Variants in PIK3C2G observed in about 807,000 individuals in gnomAD.
PIK3C2G encodes phosphatidylinositol-4-phosphate 3-kinase catalytic subunit type 2 gamma, also known as phosphatidylinositol 3-kinase C2 domain-containing subunit gamma.
A neutral mutation model predicts 181.1 loss-of-function variants in PIK3C2G; 168 were observed. The observed-to-expected ratio is 0.93, with a 90% CI of 0.82 to 1.05. The LOEUF is 1.05. PIK3C2G is among the 50% of genes least tolerant of loss of function. The pLI is 0.00. For missense variants in PIK3C2G, 1,869 were observed against 1,732.8 expected (o/e 1.08, Z -1.40); for synonymous variants, 573 against 592.2 (o/e 0.97, Z 0.47).
At chr12:18,260,723 T>C (rs183558327), upstream of PIK3C2G, among the ~76,000 whole-genome samples, 2 of 152,214 alleles carry the variant, frequency 1.3e-5, no homozygotes, top group East Asian at 3.9e-4. Context: ...TCCTACGACA[T>C]ATTTTGGAAA....
At chr12:18,617,300 C>G (rs1948647910) in intron 31 of PIK3C2G, among the ~76,000 whole-genome samples, 1 of 152,110 alleles carries the variant, frequency 6.6e-6, no homozygotes, top group African/African-American at 2.4e-5. Context: ...TGATACATTC[C>G]TTCCTTGCTG....
In PIK3C2G at chr12:18,317,218, G is replaced by A. The variant is rs1050744621; in HGVS notation, c.1137+3154G>A. On this transcript the variant is annotated intron_variant, in intron 6 of 32. Transcript: ENST00000538779. ...TAGTAGAGACGGGTTTCACCATGTT[G>A]GTTAGGCTGGTCTCAAACTCCTGAC... 4.6e-5 allele frequency among the ~76,000 whole-genome samples: 7 copies of A among 151,806 alleles called. No individual in the cohort carries two copies. In the East Asian group the frequency reaches 1.4e-3, roughly 30 times the overall value.
At chr12:18,693,647 G>T in the PIK3C2G span, 1 of 1,563,672 alleles carries the variant, frequency 6.4e-7, no homozygotes, top group Non-Finnish European at 8.8e-7. Flanking sequence ...TGACGCCATT[G>T]GGACAAAAAG....
chr12:18,726,308 T>C, the PIK3C2G span, among the ~76,000 whole-genome samples: 1 of 152,160 alleles, frequency 6.6e-6, no homozygotes, highest in African/African-American at 2.4e-5. Context: ...ATAAGAGTAA[T>C]AAAATCATTT....
chr12:18,702,242 A>G, the PIK3C2G span, among the ~76,000 whole-genome samples: 1 of 152,140 alleles, frequency 6.6e-6, no homozygotes, highest in East Asian at 1.9e-4. Flanking sequence ...ACTAAATTAA[A>G]GATTCGTAAT....
chr12:18,582,712 C>A (rs775031775), intron 29 of PIK3C2G, among the ~76,000 whole-genome samples: 1 of 152,160 alleles, frequency 6.6e-6, no homozygotes, highest in Non-Finnish European at 1.5e-5. Flanking sequence ...AGACAGAGCT[C>A]CCAGAGGGAG....
At chr12:18,679,663 G>A in the PIK3C2G span, among the ~76,000 whole-genome samples, 1 of 151,888 alleles carries the variant, frequency 6.6e-6, no homozygotes, top group African/African-American at 2.4e-5. Context: ...TTAATATTAG[G>A]CACACATTAG....
intron 25 of PIK3C2G, among the ~76,000 whole-genome samples, chr12:18,545,172 A>G (rs1944358591): frequency 6.6e-6 from 1 of 151,772 alleles, no homozygotes; most frequent in Non-Finnish European, 1.5e-5. Flanking sequence ...CACCCATGTA[A>G]TACTCGGTTC....
intron 16 of PIK3C2G, among the ~76,000 whole-genome samples, chr12:18,407,729 T>C (rs921597050): frequency 2.6e-5 from 4 of 152,228 alleles, no homozygotes; most frequent in Admixed American, 6.5e-5. Flanking sequence ...GTAAGTTATA[T>C]TCGAGCTCAA....
chr12:18,562,291 C>T (rs1162500117), intron 26 of PIK3C2G, among the ~76,000 whole-genome samples: 1 of 152,098 alleles, frequency 6.6e-6, no homozygotes, highest in East Asian at 1.9e-4. Flanking sequence ...GCCACCACGC[C>T]CGGCTAATTT....
the PIK3C2G span, among the ~76,000 whole-genome samples, chr12:18,663,588 A>C: frequency 6.6e-6 from 1 of 152,098 alleles, no homozygotes; most frequent in African/African-American, 2.4e-5. Context: ...CCTTGTAAAA[A>C]TTAACTTAAA....
the PIK3C2G span, among the ~76,000 whole-genome samples, chr12:18,699,478 C>T: frequency 6.6e-6 from 1 of 152,136 alleles, no homozygotes; most frequent in Non-Finnish European, 1.5e-5. Flanking sequence ...TCTAATTCGG[C>T]TCTGCCTCCC....
At chr12:18,628,265 A>G (rs985689363) in intron 31 of PIK3C2G, among the ~76,000 whole-genome samples, 12 of 152,140 alleles carry the variant, frequency 7.9e-5, no homozygotes, top group African/African-American at 2.9e-4. Flanking sequence ...CAAAATAAAT[A>G]TTTTCCCCAT....
chr12:18,284,034 T>G (rs1949336313), intron 2 of PIK3C2G, among the ~76,000 whole-genome samples: 1 of 152,024 alleles, frequency 6.6e-6, no homozygotes, highest in African/African-American at 2.4e-5. Context: ...AGCTGTGATT[T>G]GACAAGCAGA....
chr12:18,341,760 G>T (rs570752074), intron 9 of PIK3C2G, among the ~76,000 whole-genome samples: 1 of 152,100 alleles, frequency 6.6e-6, no homozygotes, highest in Non-Finnish European at 1.5e-5. Flanking sequence ...CACCCACCAT[G>T]AACTTAAGAT....
chr12:18,656,507 G>A, the PIK3C2G span, among the ~76,000 whole-genome samples: 2 of 152,316 alleles, frequency 1.3e-5, no homozygotes, highest in African/African-American at 4.8e-5. Context: ...GGAGGTTGCA[G>A]TGAGACAAGA....
intron 13 of PIK3C2G, 36 bp downstream of exon 13, chr12:18,371,347 T>C (rs1370977516): frequency 6.5e-7 from 1 of 1,540,370 alleles, no homozygotes; most frequent in Non-Finnish European, 8.8e-7. Flanking sequence ...AGCCTATCAT[T>C]TCAATAAAAC....
intron 25 of PIK3C2G, among the ~76,000 whole-genome samples, chr12:18,543,867 C>T (rs998101270): frequency 2.6e-5 from 4 of 151,818 alleles, no homozygotes; most frequent in African/African-American, 7.2e-5. Context: ...TTACAAAGTG[C>T]CGTGCTGTGC....
intron 11 of PIK3C2G, among the ~76,000 whole-genome samples, chr12:18,361,315 T>C (rs995620428): frequency 6.6e-6 from 1 of 152,224 alleles, no homozygotes; most frequent in Non-Finnish European, 1.5e-5. Context: ...TCATCCATAA[T>C]TTTTCATTGA....
Sources: gnomAD v4.1 joint callset for allele counts (sites outside exome capture counted in the v4.1 genomes callset) on GRCh38, gnomAD v4.1.1 for gene constraint, MANE v1.5 for transcripts, NCBI Gene and HGNC (gene_info 2026-07-23, HGNC 2026-07-21) for gene names.